Variants in IMMP2L observed in about 807,000 individuals in gnomAD.
IMMP2L encodes the protein inner mitochondrial membrane peptidase subunit 2.
Under a neutral mutation model 19.3 loss-of-function variants are expected in IMMP2L, and 18 were observed. That is an observed-to-expected ratio of 0.93 (90% CI 0.64 to 1.38). The LOEUF is 1.38. Among genes scored for constraint, IMMP2L ranks in the 40% most tolerant of loss-of-function variants. IMMP2L has a pLI of 0.00. For missense variants in IMMP2L, 233 were observed against 218.2 expected (o/e 1.07, Z -0.43); for synonymous variants, 76 against 73.0 (o/e 1.04, Z -0.21).
At chr7:111,304,614 A>T (rs1378775841) in intron 3 of IMMP2L, among the ~76,000 whole-genome samples, 1 of 150,196 alleles carries the variant, frequency 6.7e-6, no homozygotes, top group Non-Finnish European at 1.5e-5. Flanking sequence ...TACATATATA[A>T]TGTATGGGTG....
intron 3 of IMMP2L, among the ~76,000 whole-genome samples, chr7:111,011,471 A>G (rs894841101): frequency 4.6e-5 from 7 of 152,102 alleles, no homozygotes. Context: ...TTGAAAAACA[A>G]TTTTCTGAAG....
At chr7:110,842,857 G>A (rs1337773918) in intron 5 of IMMP2L, among the ~76,000 whole-genome samples, 1 of 152,080 alleles carries the variant, frequency 6.6e-6, no homozygotes, top group Non-Finnish European at 1.5e-5. Flanking sequence ...CTTAATTGCA[G>A]GAAAGCAATG....
intron 3 of IMMP2L, among the ~76,000 whole-genome samples, chr7:111,113,525 T>G (rs1374597814): frequency 6.6e-6 from 1 of 152,154 alleles, no homozygotes; most frequent in South Asian, 2.1e-4. Flanking sequence ...ACTTCATTTA[T>G]TTTTTTCTTT....
chr7:111,399,479 T>C (rs1833219289), intron 3 of IMMP2L, among the ~76,000 whole-genome samples: 1 of 151,998 alleles, frequency 6.6e-6, no homozygotes, highest in Non-Finnish European at 1.5e-5. Flanking sequence ...TTCAGCCACC[T>C]GAATGCCTGG....
intron 5 of IMMP2L, among the ~76,000 whole-genome samples, chr7:110,771,358 A>G (rs767939720): frequency 1.5e-4 from 23 of 152,208 alleles, no homozygotes; most frequent in Non-Finnish European, 2.4e-4. Context: ...TTGAGACATA[A>G]TGAGAAAAAA....
At chr7:110,830,242 T>C (rs1803848598) in intron 5 of IMMP2L, among the ~76,000 whole-genome samples, 1 of 152,146 alleles carries the variant, frequency 6.6e-6, no homozygotes, top group Admixed American at 6.6e-5. Context: ...TGACAGCATA[T>C]ACATGGGCCT....
At chr7:110,909,182 A>T (rs1585225263) in intron 4 of IMMP2L, among the ~76,000 whole-genome samples, 1 of 152,318 alleles carries the variant, frequency 6.6e-6, no homozygotes, top group South Asian at 2.1e-4. Context: ...CAAAGGCAGT[A>T]GGAACACAGT....
At chr7:111,112,059 T>C (rs1202903330) in intron 3 of IMMP2L, among the ~76,000 whole-genome samples, 8 of 149,530 alleles carry the variant, frequency 5.4e-5, no homozygotes, top group Admixed American at 4.7e-4. Context: ...GTGATTCTCC[T>C]GTCTCAGCCT....
At chr7:110,987,587 T>A (rs1246372507) in intron 3 of IMMP2L, among the ~76,000 whole-genome samples, 1 of 152,194 alleles carries the variant, frequency 6.6e-6, no homozygotes, top group Non-Finnish European at 1.5e-5. Flanking sequence ...AAGGCTTCTA[T>A]GGGAAATTAA....
chr7:111,263,302 A>C (rs1817513975), intron 3 of IMMP2L, among the ~76,000 whole-genome samples: 1 of 152,190 alleles, frequency 6.6e-6, no homozygotes, highest in South Asian at 2.1e-4. Flanking sequence ...TGTATTCTGC[A>C]TATATTCTGA....
At chr7:110,687,329 A>G (rs1417787454) in intron 5 of IMMP2L, among the ~76,000 whole-genome samples, 1 of 151,992 alleles carries the variant, frequency 6.6e-6, no homozygotes, top group African/African-American at 2.4e-5. Flanking sequence ...TCATCAGCTT[A>G]TTTATCGTTA....
At chr7:111,198,548 G>C (rs916206726) in intron 3 of IMMP2L, among the ~76,000 whole-genome samples, 1 of 152,152 alleles carries the variant, frequency 6.6e-6, no homozygotes, top group Admixed American at 6.5e-5. Context: ...TTTCCAGCAT[G>C]TATCACATGC....
intron 3 of IMMP2L, among the ~76,000 whole-genome samples, chr7:111,033,448 G>A (rs1300344490): frequency 6.6e-6 from 1 of 152,116 alleles, no homozygotes; most frequent in Non-Finnish European, 1.5e-5. Context: ...CTCATCATAT[G>A]ATCCATCAAT....
At position 110,832,193 on chromosome 7, in the gene IMMP2L, G is replaced by A. The variant is rs770111474; in HGVS notation, c.408+54400C>T. Among the ~76,000 whole-genome samples the A allele has an allele frequency of 3.8e-4, 58 of 152,212 alleles. 1 individual carries two copies. Among genetic ancestry groups the A allele is most frequent in the Admixed American group, 3.0e-3 (46 of 15,286 alleles). Reference sequence around the variant, plus strand: ...AGGGGAATCATTTGAACTGGGAGGTGGAGGTTGCAGTGAGCCGAGATTGCA... The same window carrying A: ...AGGGGAATCATTTGAACTGGGAGGTAGAGGTTGCAGTGAGCCGAGATTGCA... On this transcript the variant is annotated intron_variant, in intron 5 of 5. Coordinates refer to ENST00000405709, the MANE Select transcript of IMMP2L (RefSeq NM_032549.4).
At chr7:110,702,694 A>T (rs1794364718) in intron 5 of IMMP2L, among the ~76,000 whole-genome samples, 1 of 152,174 alleles carries the variant, frequency 6.6e-6, no homozygotes, top group South Asian at 2.1e-4. Context: ...ATATGATTTA[A>T]CATTTTCAAT....
chr7:111,152,063 C>T (rs1804137557), intron 3 of IMMP2L, among the ~76,000 whole-genome samples: 1 of 152,000 alleles, frequency 6.6e-6, no homozygotes, highest in African/African-American at 2.4e-5. Flanking sequence ...GAAATACTTA[C>T]AGATAAAAAT....
chr7:110,791,162 C>T lies in IMMP2L; in HGVS notation c.408+95431G>A, dbSNP rs1000777552. Among the ~76,000 whole-genome samples, 3 of 151,726 alleles carry T rather than the reference C, an allele frequency of 2.0e-5. No individual in the cohort carries two copies. In the East Asian group the frequency reaches 5.8e-4, roughly 29 times the overall value. ...AAGTAAAGAATGAAGTACTTGCATG[C>T]CTTTCTCCCAACATGCACATAATAG... On this transcript the variant is annotated intron_variant, in intron 5 of 5. Transcript: ENST00000405709.
intron 3 of IMMP2L, among the ~76,000 whole-genome samples, chr7:110,997,763 C>A (rs550455187): frequency 4.6e-5 from 7 of 152,158 alleles, no homozygotes; most frequent in African/African-American, 1.7e-4. Context: ...GACACAAATT[C>A]TTCCTCAGAT....
intron 3 of IMMP2L, among the ~76,000 whole-genome samples, chr7:111,276,857 A>G (rs1819127231): frequency 6.6e-6 from 1 of 152,142 alleles, no homozygotes; most frequent in African/African-American, 2.4e-5. Context: ...ACAAAAATAT[A>G]CACTGGGGAA....
Sources: allele counts gnomAD v4.1 joint callset (sites outside exome capture counted in the v4.1 genomes callset), GRCh38; gene constraint gnomAD v4.1.1; transcripts MANE v1.5; gene names NCBI Gene and HGNC (gene_info 2026-07-23, HGNC 2026-07-21).